Variants in LAPTM4B observed in about 807,000 individuals in gnomAD.
LAPTM4B encodes lysosomal protein transmembrane 4 beta.
LAPTM4B carries 26 observed loss-of-function variants against 28.5 expected under a neutral mutation model. The ratio of observed to expected loss-of-function variants is 0.91; its 90% CI spans 0.67 to 1.27. LAPTM4B has a LOEUF of 1.27. Ranked by LOEUF, LAPTM4B falls within the 50% of genes most tolerant of loss-of-function variation. The pLI, the probability that LAPTM4B is intolerant of heterozygous loss-of-function variation, is 0.00. For missense variants in LAPTM4B, 288 were observed against 285.8 expected, an observed-to-expected ratio of 1.01 and a Z score of -0.06; for synonymous variants, 109 against 106.4, an observed-to-expected ratio of 1.02 and a Z score of -0.15.
chr8:97,789,412 G>A (rs1586321046), intron 1 of LAPTM4B, among the ~76,000 whole-genome samples: 2 of 151,916 alleles, frequency 1.3e-5, no homozygotes, highest in East Asian at 3.9e-4. Context: ...CCAGGCTGGA[G>A]CGCAGTGGTG....
At chr8:97,828,560 TGTCTTTAA>T (rs2129819460) in intron 6 of LAPTM4B, among the ~76,000 whole-genome samples, 1 of 152,340 alleles carries the variant, frequency 6.6e-6, no homozygotes, top group African/African-American at 2.4e-5. Context: ...TTTTGAGCTC[TGTCTTTAA>T]GTTTTTTGAT....
At chr8:97,812,727 A>G (rs1269807742) in intron 2 of LAPTM4B, among the ~76,000 whole-genome samples, 1 of 152,148 alleles carries the variant, frequency 6.6e-6, no homozygotes, top group Non-Finnish European at 1.5e-5. Context: ...TAGGACTACC[A>G]CCAACCCAAG....
rs57959152 is a variant in LAPTM4B, at chr8:97,846,327, AT to A, written c.604-5052del. On this transcript the variant is annotated intron_variant, in intron 6 of 6. Transcript: ENST00000521545. ...AGTTCAGTTCTAACCAGAGTATCCA[AT>A]TTTTTTTTTTTTTTTTTGAGATGGA... Among the ~76,000 whole-genome samples the A allele has an allele frequency of 8.5e-3, 1,183 of 138,878 alleles. 12 individuals carry two copies. Among genetic ancestry groups the A allele is most frequent in the African/African-American group, 0.025 (958 of 37,836 alleles). The allele number at this position is 138,878 out of a possible 152,430, so 91.1% of individuals were successfully genotyped here. A position where few individuals can be genotyped will look rare whatever the true frequency, so the allele number is the denominator to read the frequency against.
intron 2 of LAPTM4B, among the ~76,000 whole-genome samples, chr8:97,813,710 ATTG>A (rs149263924): frequency 0.45 from 68,523 of 151,630 alleles, 15,881 homozygotes; most frequent in East Asian, 0.58. Flanking sequence ...AATGCATTTT[ATTG>A]TTGTTGTTTA....
At chr8:97,820,946 C>CA (rs781753184) in intron 5 of LAPTM4B, among the ~76,000 whole-genome samples, 1 of 151,642 alleles carries the variant, frequency 6.6e-6, no homozygotes, top group East Asian at 2.0e-4. Context: ...ATGCTGGTGT[C>CA]AAACTCCTGA....
intron 3 of LAPTM4B, 65 bp from the exon 4 acceptor site, chr8:97,815,990 TTGA>T: frequency 1.4e-6 from 2 of 1,430,886 alleles, no homozygotes; most frequent in South Asian, 1.4e-5. Flanking sequence ...ATAAAATACT[TTGA>T]ATTTAAGAAA....
chr8:97,776,091 C>G lies in LAPTM4B; in HGVS notation c.82C>G (p.Leu28Val). The change falls in exon 1 of 7, where the codon CTC becomes GTC. Residue 28 changes from leucine to valine, a missense_variant. By Grantham distance (32) the Leu-to-Val change is conservative (BLOSUM62 1). Coordinates refer to ENST00000521545, the MANE Select transcript of LAPTM4B (RefSeq NM_018407.6). ...CCHVRTGTILLGVWYLIINAV... is the reference protein window; with the variant it reads ...CCHVRTGTILVGVWYLIINAV... ...CCATGTCCGCACCGGCACCATCCTGCTCGGCGTCTGGTATCTGGTGAGCGC... is the reference window on the plus strand; with the variant it reads ...CCATGTCCGCACCGGCACCATCCTGGTCGGCGTCTGGTATCTGGTGAGCGC... 1 of 1,583,182 alleles carries G rather than the reference C, an allele frequency of 6.3e-7. No homozygotes were observed. Among genetic ancestry groups the G allele is most frequent in the Non-Finnish European group, 8.5e-7 (1 of 1,170,862 alleles).
chr8:97,802,696 G>A (rs931715802), intron 1 of LAPTM4B, among the ~76,000 whole-genome samples: 4 of 152,174 alleles, frequency 2.6e-5, no homozygotes, highest in African/African-American at 9.6e-5. Flanking sequence ...TAATGGAGTC[G>A]CTTTGGTTCA....
In LAPTM4B at chr8:97,841,687, ACT is replaced by A. The variant is rs1431320944; in HGVS notation, c.604-9707_604-9706del. On this transcript the variant is annotated intron_variant, in intron 6 of 6. Coordinates refer to ENST00000521545, the MANE Select transcript of LAPTM4B (RefSeq NM_018407.6). ...TTATTCGATCCCAAATGCCCAAATA[ACT>A]CTGTGAGTTATTCCAGTTACTCACA... Among the ~76,000 whole-genome samples, 6 of 152,016 alleles carry A rather than the reference ACT, an allele frequency of 3.9e-5. No individual in the cohort carries two copies. In the South Asian group the frequency reaches 1.0e-3, roughly 26 times the overall value.
chr8:97,785,454 A>G (rs116921274), intron 1 of LAPTM4B, among the ~76,000 whole-genome samples: 2,001 of 152,336 alleles, frequency 0.013, 40 homozygotes, highest in East Asian at 0.079. Context: ...ATTAATACCA[A>G]TCACTCTCGG....
chr8:97,794,511 G>A (rs117935840), intron 1 of LAPTM4B, among the ~76,000 whole-genome samples: 2,695 of 152,050 alleles, frequency 0.018, 55 homozygotes, highest in Non-Finnish European at 0.03. Flanking sequence ...AGGCAAATAG[G>A]ATTTTACAAT....
At chr8:97,833,190 C>T (rs184582653) in intron 6 of LAPTM4B, among the ~76,000 whole-genome samples, 30 of 151,858 alleles carry the variant, frequency 2.0e-4, no homozygotes, top group Non-Finnish European at 3.5e-4. Context: ...AAAAGTTAGC[C>T]GGGCGTGGTG....
chr8:97,781,961 C>A (rs985715493), intron 1 of LAPTM4B, among the ~76,000 whole-genome samples: 2 of 146,742 alleles, frequency 1.4e-5, no homozygotes, highest in East Asian at 3.9e-4. Context: ...ACTGAACATT[C>A]TTGCACAAGA....
chr8:97,784,627 A>G (rs867083356), intron 1 of LAPTM4B, among the ~76,000 whole-genome samples: 18 of 151,952 alleles, frequency 1.2e-4, no homozygotes, highest in Middle Eastern at 3.2e-3. Context: ...TTTAATAGAG[A>G]TGAGGTTTCA....
chr8:97,788,692 T>G (rs568661306), intron 1 of LAPTM4B, among the ~76,000 whole-genome samples: 57 of 140,558 alleles, frequency 4.1e-4, no homozygotes, highest in African/African-American at 1.2e-3. Context: ...CTGCAACTTC[T>G]GACAGCCATT....
chr8:97,809,276 C>T (rs746723301), intron 2 of LAPTM4B, among the ~76,000 whole-genome samples: 2 of 152,172 alleles, frequency 1.3e-5, no homozygotes, highest in African/African-American at 2.4e-5. Flanking sequence ...GAAAAGGAAT[C>T]CCGCTACTGG....
At chr8:97,840,641 AATT>A (rs1213983483) in intron 6 of LAPTM4B, among the ~76,000 whole-genome samples, 2 of 152,196 alleles carry the variant, frequency 1.3e-5, no homozygotes, top group Non-Finnish European at 2.9e-5. Flanking sequence ...GCACAGCCAA[AATT>A]ATTATTATTT....
chr8:97,833,926 G>A (rs374712635), intron 6 of LAPTM4B, among the ~76,000 whole-genome samples: 20 of 151,940 alleles, frequency 1.3e-4, no homozygotes, highest in African/African-American at 4.6e-4. Context: ...TTGTGACATG[G>A]ATAAATATAC....
chr8:97,784,517 G>C (rs1816372683), intron 1 of LAPTM4B, among the ~76,000 whole-genome samples: 3 of 152,158 alleles, frequency 2.0e-5, no homozygotes, highest in Admixed American at 2.0e-4. Flanking sequence ...TCCACTCACT[G>C]CAAGCTCTGC....
Sources: gnomAD v4.1 joint callset for allele counts (sites outside exome capture counted in the v4.1 genomes callset) on GRCh38, gnomAD v4.1.1 for gene constraint, MANE v1.5 for transcripts, NCBI Gene and HGNC (gene_info 2026-07-23, HGNC 2026-07-21) for gene names.